Variants in STYX observed in about 807,000 individuals in gnomAD.
The protein encoded by STYX is serine/threonine/tyrosine-interacting protein.
Under a neutral mutation model 42.7 loss-of-function variants are expected in STYX, and 20 were observed. The observed-to-expected ratio is 0.47, with a 90% confidence interval of 0.33 to 0.68. The LOEUF (loss-of-function observed/expected upper bound fraction) is 0.68, where lower values mean the gene tolerates loss of function less well. Ranked by LOEUF, STYX falls within the 30% of genes least tolerant of loss-of-function variation. STYX has a pLI of 0.02. For synonymous variants in STYX, 78 were observed against 81.9 expected (o/e 0.95, Z 0.26); for missense variants, 226 against 268.5 (o/e 0.84, Z 1.11).
In STYX at chr14:52,749,975, T is replaced by C. The variant is rs540916154; in HGVS notation, c.145-708T>C. On this transcript the variant is annotated intron_variant, in intron 3 of 10. Coordinates refer to ENST00000354586, the MANE Select transcript of STYX (RefSeq NM_145251.4). The stretch of plus-strand genomic sequence containing the variant: ...TGTGAAACATAAATGAATTTTGTGT[T>C]TAAACTTGGATACCATCCCCAAGAC... 2.6e-5 allele frequency among the ~76,000 whole-genome samples: 4 copies of C among 152,304 alleles called. 1 individual carries two copies. In the South Asian group the frequency reaches 8.3e-4, roughly 32 times the overall value.
chr14:52,750,676 T>A lies in STYX; in HGVS notation c.145-7T>A, dbSNP rs1271129864. On this transcript the variant is annotated splice_region_variant and splice_polypyrimidine_tract_variant and intron_variant, in intron 3 of 10. Coordinates refer to ENST00000354586, the MANE Select transcript of STYX (RefSeq NM_145251.4). Reference sequence around the variant, plus strand: ...CCTGTCCTCCCCCTGCTTTTTTTTTTATACAGCTACCTGTACTACAGAAAC... The same window carrying A: ...CCTGTCCTCCCCCTGCTTTTTTTTTAATACAGCTACCTGTACTACAGAAAC... The A allele has an allele frequency of 5.9e-6, 9 of 1,530,126 alleles. No homozygotes were observed. Among genetic ancestry groups the A allele is most frequent in the Non-Finnish European group, 7.1e-6 (8 of 1,134,670 alleles). 94.8% of individuals were successfully genotyped at this position (1,530,126 alleles called of 1,614,324 possible). A position where few individuals can be genotyped will look rare whatever the true frequency, so the allele number is the denominator to read the frequency against.
chr14:52,763,577 G>T (rs989217628), intron 9 of STYX, among the ~76,000 whole-genome samples: 10 of 151,924 alleles, frequency 6.6e-5, no homozygotes, highest in African/African-American at 2.4e-4. Flanking sequence ...TTCAGTTTTG[G>T]TTTCATTTTT....
intron 9 of STYX, among the ~76,000 whole-genome samples, chr14:52,764,814 A>G (rs552092710): frequency 5.9e-5 from 9 of 151,784 alleles, no homozygotes; most frequent in African/African-American, 1.9e-4. Context: ...GATTACAGAC[A>G]TATGTCACCA....
At chr14:52,731,885 C>T (rs529821655) in intron 1 of STYX, among the ~76,000 whole-genome samples, 1 of 148,620 alleles carries the variant, frequency 6.7e-6, no homozygotes, top group East Asian at 2.0e-4. Context: ...CTCGAACTCC[C>T]ATGCTCAAGC....
intron 9 of STYX, among the ~76,000 whole-genome samples, chr14:52,762,862 C>G (rs1447438227): frequency 1.7e-4 from 3 of 17,218 alleles, no homozygotes; most frequent in East Asian, 3.0e-3. Context: ...TTTTTCTTTT[C>G]TTTCTTTCTT....
chr14:52,750,840 C>T, intron 4 of STYX, 60 bp downstream of exon 4: 1 of 1,179,876 alleles, frequency 8.5e-7, no homozygotes. Context: ...AGGTTTTGTA[C>T]CATCAGTTGT....
At chr14:52,753,415 G>A (rs1355154656) in intron 4 of STYX, among the ~76,000 whole-genome samples, 1 of 151,954 alleles carries the variant, frequency 6.6e-6, no homozygotes, top group Non-Finnish European at 1.5e-5. Context: ...TCGAACTCCT[G>A]ACCTCGTGAT....
At chr14:52,750,184 G>C (rs992923671) in intron 3 of STYX, among the ~76,000 whole-genome samples, 2 of 152,148 alleles carry the variant, frequency 1.3e-5, no homozygotes, top group African/African-American at 4.8e-5. Flanking sequence ...TAGATTCTGT[G>C]AAGTATGTAA....
In STYX at chr14:52,768,112, C is replaced by G. The variant is rs1178474393; in HGVS notation, c.505-728C>G. ...TTTTATTTTAGGTCACCTTTTTTAG[C>G]GAGCTATGAACTGTACCTACTCTGG... On this transcript the variant is annotated intron_variant, in intron 9 of 10. Transcript: ENST00000354586. Among the ~76,000 whole-genome samples the G allele has an allele frequency of 2.6e-5, 4 of 152,108 alleles. No homozygotes were observed. The East Asian group carries it at 5.8e-4, about 22-fold the overall frequency.
rs11354417 is a variant in STYX, at chr14:52,731,949, CTTTTTT to C, written c.57+1428_57+1433del. ...CTGGGACCATGCCGGGCTAATTTTT[CTTTTTT>C]TTTTTTTTTGTAGCGATGGGTTTTT... On this transcript the variant is annotated intron_variant, in intron 1 of 10. Transcript: ENST00000354586. Among the ~76,000 whole-genome samples the C allele has an allele frequency of 2.3e-4, 32 of 136,318 alleles. 1 individual carries two copies. In the East Asian group the frequency reaches 6.8e-3, roughly 29 times the overall value. The allele number at this position is 136,318 out of a possible 152,430, so 89.4% of individuals were successfully genotyped here. A position where few individuals can be genotyped will look rare whatever the true frequency, so the allele number is the denominator to read the frequency against.
rs1331507034 is a variant in STYX at position 52,757,751 on chromosome 14, C to G, written c.349C>G (p.Leu117Val). ...DGSLQMGGKV[L>V]VHGNAGISRS... ...GAATTCATGTTTTTCAGGAAAAGTT[C>G]TTGTGCATGGAAATGCAGGGATCTC... Residue 117 changes from leucine (L) to valine (V), a missense_variant, in exon 7 of 11, where the codon CTT (leucine) becomes GTT (valine). By Grantham distance (32) the Leu-to-Val change is conservative (BLOSUM62 1). Transcript: ENST00000354586. 2 of 1,613,272 alleles carry G rather than the reference C, an allele frequency of 1.2e-6. No individual in the cohort carries two copies. The highest frequency in any genetic ancestry group is 1.3e-5 in the African/African-American group (1 of 74,986).
chr14:52,762,882 CTTTTTTTTTTT>C (rs869029320), intron 9 of STYX, among the ~76,000 whole-genome samples: 2 of 26,840 alleles, frequency 7.5e-5, no homozygotes, highest in African/African-American at 3.0e-4. Flanking sequence ...TTCTTTCTTT[CTTTTTTTTTTT>C]TTTTTTTTTT....
chr14:52,750,396 C>T (rs1186641317), intron 3 of STYX, among the ~76,000 whole-genome samples: 2 of 152,130 alleles, frequency 1.3e-5, no homozygotes, highest in African/African-American at 2.4e-5. Flanking sequence ...CTGTGTGTCC[C>T]AGGTGCTATG....
intron 10 of STYX, 136 bp downstream of exon 10, chr14:52,769,069 ATT>A: frequency 1.6e-6 from 1 of 615,510 alleles, no homozygotes; most frequent in Non-Finnish European, 2.8e-6. Context: ...AGAAGGATTC[ATT>A]TTATAATGAA....
At chr14:52,740,324 A>G (rs1436690789) in intron 1 of STYX, among the ~76,000 whole-genome samples, 1 of 152,190 alleles carries the variant, frequency 6.6e-6, no homozygotes, top group Admixed American at 6.5e-5. Context: ...CATTTCCCTC[A>G]TTGCTGGCTT....
intron 4 of STYX, 40 bp from the exon 5 acceptor site, chr14:52,756,506 GTGTTT>G: frequency 9.2e-7 from 1 of 1,092,480 alleles, no homozygotes; most frequent in Non-Finnish European, 1.3e-6. Context: ...AGTACCTTAA[GTGTTT>G]TACTTAAAGT....
intron 9 of STYX, 65 bp downstream of exon 9, chr14:52,759,819 A>G: frequency 9.4e-7 from 1 of 1,066,746 alleles, no homozygotes. Context: ...CATGTAATTT[A>G]GGTGTACAAT....
At chr14:52,746,312 A>G (rs1479420779) in intron 2 of STYX, 114 bp from the exon 3 acceptor site, 9 of 676,694 alleles carry the variant, frequency 1.3e-5, no homozygotes, top group Admixed American at 7.0e-5. Flanking sequence ...AATAGTTCCA[A>G]TCTTGTTGTA....
intron 1 of STYX, among the ~76,000 whole-genome samples, chr14:52,735,260 T>C (rs1239926633): frequency 6.6e-6 from 1 of 152,138 alleles, no homozygotes; most frequent in Non-Finnish European, 1.5e-5. Context: ...TTTATGAGCT[T>C]GGTTATTGAG....
Sources: gnomAD v4.1 joint callset for allele counts (sites outside exome capture counted in the v4.1 genomes callset) on GRCh38, gnomAD v4.1.1 for gene constraint, MANE v1.5 for transcripts, NCBI Gene and HGNC (gene_info 2026-07-23, HGNC 2026-07-21) for gene names.